TRMT13: variants seen among roughly 807,000 people sequenced by gnomAD.
The protein encoded by TRMT13 is tRNA:m(4)X modification enzyme TRM13 homolog.
In TRMT13, 45 loss-of-function variants were observed where a neutral mutation model predicts 55.9. The ratio of observed to expected loss-of-function variants is 0.80; its 90% CI spans 0.63 to 1.03. The LOEUF (loss-of-function observed/expected upper bound fraction) is 1.03, where lower values mean the gene tolerates loss of function less well. Among genes scored for constraint, TRMT13 ranks in the 50% least tolerant of loss-of-function variants. The probability of loss-of-function intolerance (pLI) is 0.00; values close to 1 mark genes in which losing one functional copy is unlikely to be tolerated. For missense variants in TRMT13, 513 were observed against 563.9 expected (o/e 0.91, Z 0.91); for synonymous variants, 183 against 196.3 (o/e 0.93, Z 0.57).
In TRMT13 at chr1:100,149,478, TG is replaced by T; in HGVS notation, c.*660del. The T allele has an allele frequency of 6.6e-7, 1 of 1,508,356 alleles. No homozygotes were observed. Among genetic ancestry groups the T allele is most frequent in the Non-Finnish European group, 8.9e-7 (1 of 1,122,442 alleles). 93.4% of individuals were successfully genotyped at this position (1,508,356 alleles called of 1,614,324 possible). ...AGATTATTTCACTTAATTATTTTGT[TG>T]GATAATTGTCTAGTTAGAACTTCCA... On this transcript the variant is annotated 3_prime_UTR_variant, in exon 11 of 11. Coordinates refer to ENST00000370141, the MANE Select transcript of TRMT13 (RefSeq NM_019083.3).
At chr1:100,138,477 C>T (rs776261370) in intron 3 of TRMT13, among the ~76,000 whole-genome samples, 2 of 152,132 alleles carry the variant, frequency 1.3e-5, no homozygotes, top group Non-Finnish European at 2.9e-5. Flanking sequence ...ATTGTAATTC[C>T]TGCAGTAAAA....
rs757177357 is a variant in TRMT13 at position 100,149,113 on chromosome 1, CAT to C, written c.*294_*295del. 6.3e-7 allele frequency: 1 copy of C among 1,590,148 alleles called. No homozygotes were observed. The highest frequency in any genetic ancestry group is 8.5e-7 in the Non-Finnish European group (1 of 1,172,902). ...ACTTGGTGATCTGAAACATACATAA[CAT>C]GTCAACACATAATTAGCGTATTTCT... On this transcript the variant is annotated 3_prime_UTR_variant, in exon 11 of 11. Transcript: ENST00000370141.
Position 100,140,186 on chromosome 1 carries a change from C to T in TRMT13, c.329C>T (p.Pro110Leu), listed in dbSNP as rs754402641. 6.2e-7 allele frequency: 1 copy of T among 1,607,116 alleles called. No homozygotes were observed. The highest frequency in any genetic ancestry group is 1.7e-5 in the Admixed American group (1 of 59,214). The part of the protein sequence containing the change: ...DETEIPEQLV[P>L]ISSLSEEQLE... ...TAGTTTTATTTTTGTATATAGGTTC[C>T]AATTTCTTCTCTATCTGAAGAGCAG... is the stretch of plus-strand genomic sequence containing the variant. Residue 110 changes from proline to leucine, a missense_variant, in exon 5 of 11, where the codon CCA becomes CTA. Around this residue, in one of 3 missense-constraint regions of TRMT13, gnomAD observed 298 missense variants for 290.3 expected, o/e 1.03. Coordinates refer to ENST00000370141, the MANE Select transcript of TRMT13 (RefSeq NM_019083.3).
intron 1 of TRMT13, among the ~76,000 whole-genome samples, chr1:100,136,196 A>G (rs1655838736): frequency 6.6e-6 from 1 of 152,230 alleles, no homozygotes; most frequent in Non-Finnish European, 1.5e-5. Context: ...AAAGTTGCAA[A>G]GCCAGTAAAA....
At chr1:100,141,903 A>G (rs1656686233) in intron 7 of TRMT13, among the ~76,000 whole-genome samples, 1 of 152,214 alleles carries the variant, frequency 6.6e-6, no homozygotes, top group Non-Finnish European at 1.5e-5. Flanking sequence ...ATAACAGGAA[A>G]ATATGGAAAC....
rs908122327 is a variant in TRMT13, at chr1:100,149,408, T to C, written c.*588T>C. ...CATACATGTATATATTGTCAGAATCTGTCCATGACAAACACAAAACTGAAG... is the reference window on the plus strand; with the variant it reads ...CATACATGTATATATTGTCAGAATCCGTCCATGACAAACACAAAACTGAAG... On this transcript the variant is annotated 3_prime_UTR_variant, in exon 11 of 11. Coordinates refer to ENST00000370141, the MANE Select transcript of TRMT13 (RefSeq NM_019083.3). 6.5e-7 allele frequency: 1 copy of C among 1,545,038 alleles called. No individual in the cohort carries two copies. The highest frequency in any genetic ancestry group is 2.0e-5 in the Admixed American group (1 of 49,958).
At chr1:100,138,133 G>A (rs1318768877) in intron 3 of TRMT13, among the ~76,000 whole-genome samples, 1 of 152,184 alleles carries the variant, frequency 6.6e-6, no homozygotes, top group Non-Finnish European at 1.5e-5. Context: ...ATGAGACGAA[G>A]AAAGAAATGC....
chr1:100,136,636 C>T (rs949404107), intron 1 of TRMT13, among the ~76,000 whole-genome samples: 2 of 152,168 alleles, frequency 1.3e-5, no homozygotes, highest in Non-Finnish European at 2.9e-5. Flanking sequence ...TAGGCCTTCT[C>T]TATACCCTGT....
At chr1:100,143,336 T>C (rs1371395098) in intron 8 of TRMT13, 127 bp downstream of exon 8, 51 of 555,534 alleles carry the variant, frequency 9.2e-5, no homozygotes, top group Non-Finnish European at 6.3e-6. Flanking sequence ...TCATTGTTAA[T>C]ATAGAATGTT....
intron 1 of TRMT13, among the ~76,000 whole-genome samples, chr1:100,134,278 T>TGGGAAAATAAAAACCAGAGG: frequency 6.6e-6 from 1 of 152,242 alleles, no homozygotes; most frequent in East Asian, 1.9e-4. Context: ...ATATATGAGA[T>TGGGAAAATAAAAACCAGAGG]GGGAAAATAA....
intron 9 of TRMT13, among the ~76,000 whole-genome samples, chr1:100,145,368 G>GT (rs1409396311): frequency 6.6e-6 from 1 of 152,160 alleles, no homozygotes; most frequent in Non-Finnish European, 1.5e-5. Flanking sequence ...GTAGGAGGGA[G>GT]TACACTCTTT....
At chr1:100,146,106 C>T (rs542617844) in intron 9 of TRMT13, among the ~76,000 whole-genome samples, 3 of 152,286 alleles carry the variant, frequency 2.0e-5, no homozygotes, top group African/African-American at 7.2e-5. Context: ...ATTTCACCCC[C>T]ATTCACCTAC....
Position 100,149,556 on chromosome 1 carries a change from A to T in TRMT13, c.*736A>T. On this transcript the variant is annotated 3_prime_UTR_variant, in exon 11 of 11. Coordinates refer to ENST00000370141, the MANE Select transcript of TRMT13 (RefSeq NM_019083.3). ...AAATTTGAAATAATTTCTGAAGTTG[A>T]TTAGCTATCTCATATCTTTTATCAG... The T allele has an allele frequency of 2.2e-6, 2 of 916,410 alleles. No homozygotes were observed. Among genetic ancestry groups the T allele is most frequent in the Non-Finnish European group, 3.2e-6 (2 of 625,020 alleles). The allele number at this position is 916,410 out of a possible 1,614,324, so 56.8% of individuals were successfully genotyped here.
chr1:100,140,814 T>G lies in TRMT13; in HGVS notation c.502-38T>G. On this transcript the variant is annotated intron_variant, in intron 6 of 10. Transcript: ENST00000370141. Reference sequence around the variant, plus strand: ...GTTTTCCCATTTGAACCAAATGTGTTTACTCTAGTTTATAAAATAATCTTG... The same window carrying G: ...GTTTTCCCATTTGAACCAAATGTGTGTACTCTAGTTTATAAAATAATCTTG... 2.5e-6 allele frequency: 4 copies of G among 1,575,314 alleles called. No individual in the cohort carries two copies. In the South Asian group the frequency reaches 4.5e-5, roughly 18 times the overall value.
intron 9 of TRMT13, among the ~76,000 whole-genome samples, chr1:100,147,043 T>A (rs1657361767): frequency 6.6e-6 from 1 of 152,164 alleles, no homozygotes; most frequent in Non-Finnish European, 1.5e-5. Flanking sequence ...GGTAATAAAA[T>A]TTTAAAATAT....
intron 9 of TRMT13, among the ~76,000 whole-genome samples, chr1:100,146,596 C>T (rs751109265): frequency 1.3e-5 from 2 of 152,134 alleles, no homozygotes; most frequent in Non-Finnish European, 2.9e-5. Flanking sequence ...ACCTCCGCCT[C>T]CCGGCTTCAA....
At chr1:100,147,011 A>G (rs184856302) in intron 9 of TRMT13, among the ~76,000 whole-genome samples, 2 of 152,314 alleles carry the variant, frequency 1.3e-5, no homozygotes, top group East Asian at 3.9e-4. Context: ...AGATCATTTA[A>G]TAGTCATTTG....
intron 1 of TRMT13, among the ~76,000 whole-genome samples, chr1:100,133,698 C>A (rs1655363954): frequency 6.6e-6 from 1 of 152,110 alleles, no homozygotes; most frequent in Non-Finnish European, 1.5e-5. Flanking sequence ...ATTGTTATTT[C>A]ATGAAAGAGA....
chr1:100,140,431 C>T lies in TRMT13; in HGVS notation c.418C>T (p.His140Tyr). Residue 140 changes from histidine (H) to tyrosine (Y), a missense_variant, in exon 6 of 11, where the codon CAT (histidine) becomes TAT (tyrosine). Physicochemically the swap from His to Tyr is moderately conservative, Grantham distance 83. Around this residue, in one of 3 missense-constraint regions of TRMT13, gnomAD observed 298 missense variants for 290.3 expected, o/e 1.03. Coordinates refer to ENST00000370141, the MANE Select transcript of TRMT13 (RefSeq NM_019083.3). ...SEGLNSTLKD[H>Y]IMSHPALHDA... ...AGGCTTGAATTCTACACTTAAAGAT[C>T]ATATTATGTCCCATCCAGCATTACA... The T allele has an allele frequency of 6.2e-7, 1 of 1,613,622 alleles. No individual in the cohort carries two copies. Among genetic ancestry groups the T allele is most frequent in the Non-Finnish European group, 8.5e-7 (1 of 1,179,846 alleles).
Sources: allele counts gnomAD v4.1 joint callset (sites outside exome capture counted in the v4.1 genomes callset), GRCh38; gene constraint gnomAD v4.1.1; regional missense constraint gnomAD v4.1.1; transcripts MANE v1.5; gene names NCBI Gene and HGNC (gene_info 2026-07-23, HGNC 2026-07-21).